TTLL5: variants seen among roughly 807,000 people sequenced by gnomAD.
TTLL5 encodes tubulin polyglutamylase TTLL5.
Under a neutral mutation model 168.4 loss-of-function variants are expected in TTLL5, and 132 were observed. The observed-to-expected ratio is 0.78, with a 90% confidence interval of 0.68 to 0.91. The LOEUF (loss-of-function observed/expected upper bound fraction) is 0.91, where lower values mean the gene tolerates loss of function less well. TTLL5 is among the 40% of genes least tolerant of loss of function. The pLI, the probability that TTLL5 is intolerant of heterozygous loss-of-function variation, is 0.00. For synonymous variants in TTLL5, 546 were observed against 558.6 expected (o/e 0.98, Z 0.32); for missense variants, 1,545 against 1,581.5 (o/e 0.98, Z 0.39).
At chr14:75,824,379 G>A (rs1382492442) in intron 28 of TTLL5, among the ~76,000 whole-genome samples, 2 of 152,164 alleles carry the variant, frequency 1.3e-5, no homozygotes, top group Admixed American at 1.3e-4. Context: ...TGAATTTTAT[G>A]GGATAGACAA....
At position 75,745,484 on chromosome 14, in the gene TTLL5, A is replaced by G; in HGVS notation, c.1396-6A>G. The G allele has an allele frequency of 6.2e-7, 1 of 1,613,846 alleles. No homozygotes were observed. Among genetic ancestry groups the G allele is most frequent in the Non-Finnish European group, 8.5e-7 (1 of 1,179,880 alleles). On this transcript the variant is annotated splice_polypyrimidine_tract_variant and splice_region_variant and intron_variant, in intron 16 of 31. Transcript: ENST00000298832. The stretch of plus-strand genomic sequence containing the variant: ...AGGTACTCATTTTATCTTATTTTTC[A>G]TCTAGATCAAAGTTTTACGAAGGGT...
intron 3 of TTLL5, among the ~76,000 whole-genome samples, chr14:75,679,276 G>T (rs917387581): frequency 8.5e-5 from 13 of 152,302 alleles, no homozygotes; most frequent in African/African-American, 2.9e-4. Context: ...AGAGGCCAGA[G>T]TGTTGTGATG....
intron 15 of TTLL5, among the ~76,000 whole-genome samples, chr14:75,739,361 A>G (rs971197286): frequency 7.9e-5 from 12 of 152,098 alleles, no homozygotes; most frequent in Non-Finnish European, 1.8e-4. Context: ...TCTTTCTGTT[A>G]ACGAAGCACT....
chr14:75,910,010 G>C (rs1176129290), intron 31 of TTLL5, among the ~76,000 whole-genome samples: 2 of 152,216 alleles, frequency 1.3e-5, no homozygotes, highest in African/African-American at 2.4e-5. Flanking sequence ...TTGGGGGAGA[G>C]AATAGGGGTA....
intron 31 of TTLL5, among the ~76,000 whole-genome samples, chr14:75,951,756 C>T (rs1336132276): frequency 3.3e-5 from 5 of 152,138 alleles, no homozygotes; most frequent in African/African-American, 1.2e-4. Flanking sequence ...AGAGCGAAAC[C>T]CTGTCTCAAA....
At chr14:75,868,881 G>T (rs1333332156) in intron 29 of TTLL5, among the ~76,000 whole-genome samples, 1 of 152,116 alleles carries the variant, frequency 6.6e-6, no homozygotes, top group Non-Finnish European at 1.5e-5. Context: ...CAAGCAGCTG[G>T]CAATAACATG....
At chr14:75,765,521 A>G (rs1466202586) in intron 19 of TTLL5, among the ~76,000 whole-genome samples, 1 of 152,120 alleles carries the variant, frequency 6.6e-6, no homozygotes, top group Middle Eastern at 3.2e-3. Context: ...TGATGAGAGT[A>G]TGATGAAAAA....
chr14:75,839,094 G>C (rs1194429509), intron 28 of TTLL5: 1 of 155,166 alleles, frequency 6.4e-6, no homozygotes, highest in Non-Finnish European at 1.4e-5. Context: ...TGATTTTCAT[G>C]TTCTTGTCCA....
chr14:75,810,692 T>C (rs918264318), intron 27 of TTLL5, among the ~76,000 whole-genome samples: 7 of 152,156 alleles, frequency 4.6e-5, no homozygotes, highest in African/African-American at 1.7e-4. Flanking sequence ...TTAATTTTCT[T>C]CTCCATTTCG....
At chr14:75,816,983 T>TA (rs756841571) in intron 27 of TTLL5, among the ~76,000 whole-genome samples, 64 of 143,668 alleles carry the variant, frequency 4.5e-4, no homozygotes, top group Non-Finnish European at 7.8e-4. Context: ...TATTTTTTTT[T>TA]TTTTTTTTTT....
chr14:75,882,643 A>G (rs2031880391), intron 29 of TTLL5, 42 bp from the exon 30 acceptor site: 1 of 1,549,200 alleles, frequency 6.5e-7, no homozygotes, highest in Non-Finnish European at 8.8e-7. Context: ...TGGGTTGTGA[A>G]GGTGATGTCC....
chr14:75,712,957 A>G (rs1887193965), intron 9 of TTLL5, among the ~76,000 whole-genome samples: 1 of 152,322 alleles, frequency 6.6e-6, no homozygotes, highest in South Asian at 2.1e-4. Flanking sequence ...GCTGCAAAAT[A>G]GTACCTAGGG....
chr14:75,778,289 G>T (rs769997859), intron 23 of TTLL5, among the ~76,000 whole-genome samples: 13 of 152,202 alleles, frequency 8.5e-5, no homozygotes, highest in Non-Finnish European at 1.6e-4. Context: ...ATTAAGTTTG[G>T]TTTGAGTACA....
chr14:75,690,274 A>G lies in TTLL5; in HGVS notation c.454A>G (p.Ile152Val), dbSNP rs1315241372. 6.2e-7 allele frequency: 1 copy of G among 1,611,706 alleles called. No homozygotes were observed. The highest frequency in any genetic ancestry group is 8.5e-7 in the Non-Finnish European group (1 of 1,178,920). The change falls in exon 6 of 32, where the codon ATC (isoleucine) becomes GTC (valine). Residue 152 changes from isoleucine to valine, a missense_variant. Coordinates refer to ENST00000298832, the MANE Select transcript of TTLL5 (RefSeq NM_015072.5). ...TACACATGGATTCAAGGCTTTTCAC[A>G]TCCTCCCCCAGACCTTCCTCCTGCC... ...QHTHGFKAFH[I>V]LPQTFLLPAE...
chr14:75,893,395 CAAAG>C (rs1319545885), intron 30 of TTLL5, among the ~76,000 whole-genome samples: 1 of 152,148 alleles, frequency 6.6e-6, no homozygotes, highest in Non-Finnish European at 1.5e-5. Flanking sequence ...GCGTAAATGA[CAAAG>C]GAACACAGAG....
intron 7 of TTLL5, among the ~76,000 whole-genome samples, chr14:75,704,158 A>T (rs1886475626): frequency 6.6e-6 from 1 of 152,214 alleles, no homozygotes; most frequent in Non-Finnish European, 1.5e-5. Flanking sequence ...AGATGATTCC[A>T]GCATAGACAC....
chr14:75,732,538 G>A, intron 13 of TTLL5, 119 bp downstream of exon 13: 1 of 782,192 alleles, frequency 1.3e-6, no homozygotes, highest in Non-Finnish European at 2.1e-6. Flanking sequence ...TTATTAGGTG[G>A]AGATAACCAG....
chr14:75,841,885 A>T (rs912839723), intron 28 of TTLL5, among the ~76,000 whole-genome samples: 1 of 151,960 alleles, frequency 6.6e-6, no homozygotes, highest in Non-Finnish European at 1.5e-5. Context: ...TTTTTCATGT[A>T]TTTTTCTGTG....
intron 3 of TTLL5, among the ~76,000 whole-genome samples, chr14:75,678,655 T>A (rs1210797911): frequency 6.6e-6 from 1 of 151,608 alleles, no homozygotes; most frequent in Non-Finnish European, 1.5e-5. Context: ...TTGATTGTTA[T>A]CCATGTTTGA....
Sources: allele counts gnomAD v4.1 joint callset (sites outside exome capture counted in the v4.1 genomes callset), GRCh38; gene constraint gnomAD v4.1.1; transcripts MANE v1.5; gene names NCBI Gene and HGNC (gene_info 2026-07-23, HGNC 2026-07-21).